The following BLNK variants were observed in gnomAD, a reference collection of about 807,000 sequenced individuals.
The protein encoded by BLNK is B-cell linker protein.
BLNK carries 29 observed loss-of-function variants against 73.5 expected under a neutral mutation model. The observed-to-expected ratio is 0.39, with a 90% confidence interval of 0.29 to 0.54. The LOEUF is 0.54. BLNK is among the 20% of genes least tolerant of loss of function. The probability of loss-of-function intolerance (pLI) is 0.61; values close to 1 mark genes in which losing one functional copy is unlikely to be tolerated. For missense variants in BLNK, 460 were observed against 562.8 expected, an observed-to-expected ratio of 0.82 and a Z score of 1.85; for synonymous variants, 176 against 200.8, an observed-to-expected ratio of 0.88 and a Z score of 1.04.
At chr10:96,244,796 T>C (rs1192211471) in intron 2 of BLNK, among the ~76,000 whole-genome samples, 1 of 152,122 alleles carries the variant, frequency 6.6e-6, no homozygotes, top group African/African-American at 2.4e-5. Flanking sequence ...TATAAAAAAC[T>C]TGAGCTCCAC....
chr10:96,242,588 C>A, intron 3 of BLNK, 147 bp downstream of exon 3: 1 of 817,590 alleles, frequency 1.2e-6, no homozygotes, highest in Non-Finnish European at 2.0e-6. Context: ...AGTCAAAATG[C>A]CTAATAGATT....
intron 1 of BLNK, among the ~76,000 whole-genome samples, chr10:96,268,817 G>A (rs1303399127): frequency 6.6e-6 from 1 of 152,100 alleles, no homozygotes; most frequent in Non-Finnish European, 1.5e-5. Context: ...CCTTTGGATG[G>A]ACACTCACTG....
chr10:96,243,291 T>C (rs1228829293), intron 2 of BLNK, among the ~76,000 whole-genome samples: 2 of 152,218 alleles, frequency 1.3e-5, no homozygotes, highest in Admixed American at 6.5e-5. Context: ...ATTTCTGTAA[T>C]CCCAGCACTT....
At position 96,190,308 on chromosome 10, in the gene BLNK, C is replaced by G; in HGVS notation, c.*1665G>C. ...AGAACAGCCATACAGGATGGAATCA[C>G]GCCAGTAGTATTGTTCCTGTGTGTC... On this transcript the variant is annotated 3_prime_UTR_variant, in exon 17 of 17. Coordinates refer to ENST00000224337, the MANE Select transcript of BLNK (RefSeq NM_013314.4). 3.2e-6 allele frequency: 2 copies of G among 621,508 alleles called. No homozygotes were observed. The highest frequency in any genetic ancestry group is 3.3e-5 in the South Asian group (2 of 60,144). 38.5% of individuals were successfully genotyped at this position (621,508 alleles called of 1,614,324 possible). A position where few individuals can be genotyped will look rare whatever the true frequency, so the allele number is the denominator to read the frequency against.
intron 9 of BLNK, 94 bp downstream of exon 9, chr10:96,209,744 T>C (rs1369692346): frequency 1.9e-5 from 28 of 1,466,322 alleles, no homozygotes; most frequent in Non-Finnish European, 2.5e-5. Flanking sequence ...CAGCCTGCCA[T>C]GGGGAGAACT....
intron 3 of BLNK, among the ~76,000 whole-genome samples, chr10:96,241,931 G>A (rs1448972774): frequency 6.6e-6 from 1 of 152,010 alleles, no homozygotes; most frequent in Non-Finnish European, 1.5e-5. Flanking sequence ...TGTTGCCCAG[G>A]CTGATCTCAA....
intron 3 of BLNK, among the ~76,000 whole-genome samples, chr10:96,233,670 C>T (rs1446088899): frequency 6.6e-6 from 1 of 152,218 alleles, no homozygotes; most frequent in Admixed American, 6.5e-5. Flanking sequence ...CAAAGTCTAC[C>T]ACAGTCTCTT....
intron 13 of BLNK, among the ~76,000 whole-genome samples, chr10:96,202,772 C>A (rs2083679567): frequency 6.6e-6 from 1 of 152,196 alleles, no homozygotes; most frequent in Admixed American, 6.5e-5. Flanking sequence ...GTGGTTTCTG[C>A]AGTTCTGGCA....
intron 1 of BLNK, among the ~76,000 whole-genome samples, chr10:96,250,204 G>C (rs782820930): frequency 6.6e-5 from 10 of 152,168 alleles, no homozygotes; most frequent in Non-Finnish European, 1.5e-4. Context: ...AAGGATGGTT[G>C]AGAGACACAC....
chr10:96,271,288 G>T (rs1239239388), intron 1 of BLNK, 64 bp downstream of exon 1: 2 of 1,540,482 alleles, frequency 1.3e-6, no homozygotes, highest in Non-Finnish European at 1.8e-6. Context: ...TTTCTGAGAT[G>T]CCATAAGAGC....
At chr10:96,216,481 G>A (rs1056335016) in intron 7 of BLNK, 172 bp downstream of exon 7, 4 of 670,688 alleles carry the variant, frequency 6.0e-6, no homozygotes, top group South Asian at 1.7e-5. Flanking sequence ...ACAGAGATGG[G>A]TTGTCACTGA....
chr10:96,200,148 A>T lies in BLNK; in HGVS notation c.1022T>A (p.Val341Asp). 1 of 1,614,112 alleles carries T rather than the reference A, an allele frequency of 6.2e-7. No individual in the cohort carries two copies. Among genetic ancestry groups the T allele is most frequent in the Non-Finnish European group, 8.5e-7 (1 of 1,180,008 alleles). The change falls in exon 15 of 17, where the codon GTT becomes GAT. Residue 341 changes from valine (V) to aspartate (D), a missense_variant. Transcript: ENST00000224337. This position sits in a 1 kb window ranked among gnomAD's most constrained non-coding sequence, Gnocchi z 4.3. ...TCCAGCATACCATGGCTTGCAGAGA[A>T]CGCCAGCTTCCTGTGAAATGGAGGG... ...NSTISEQEAG[V>D]LCKPWYAGAC... is the part of the protein sequence containing the mutation.
intron 16 of BLNK, among the ~76,000 whole-genome samples, chr10:96,193,538 G>C (rs1391829398): frequency 2.0e-5 from 3 of 152,164 alleles, no homozygotes; most frequent in African/African-American, 7.2e-5. Flanking sequence ...ATTTGAAGTA[G>C]GGAATGAAGT....
chr10:96,249,120 A>G (rs542622300), intron 1 of BLNK, among the ~76,000 whole-genome samples: 1 of 152,264 alleles, frequency 6.6e-6, no homozygotes, highest in African/African-American at 2.4e-5. Flanking sequence ...ATTTGACTGG[A>G]CCCTTTAGAT....
chr10:96,208,995 A>G (rs587752758), intron 9 of BLNK, among the ~76,000 whole-genome samples: 1 of 152,324 alleles, frequency 6.6e-6, no homozygotes, highest in South Asian at 2.1e-4. Flanking sequence ...GACATATTTA[A>G]ATTTGCTTTC....
chr10:96,211,113 C>T (rs2083937975), intron 8 of BLNK, among the ~76,000 whole-genome samples: 1 of 152,118 alleles, frequency 6.6e-6, no homozygotes, highest in Non-Finnish European at 1.5e-5. Flanking sequence ...ATCCACCTGC[C>T]TTGGTCTCCC....
chr10:96,199,615 T>A, intron 15 of BLNK: 1 of 435,990 alleles, frequency 2.3e-6, no homozygotes, highest in Admixed American at 2.6e-5. Context: ...CTTGAGTAAG[T>A]AAAGGAAAAA....
At chr10:96,225,365 C>T (rs1289629320) in intron 5 of BLNK, among the ~76,000 whole-genome samples, 2 of 152,152 alleles carry the variant, frequency 1.3e-5, no homozygotes, top group African/African-American at 2.4e-5. Flanking sequence ...GTTAGGCCCT[C>T]GCCTCTATGC....
At chr10:96,204,130 T>C in intron 12 of BLNK, 42 bp from the exon 13 acceptor site, 1 of 1,610,378 alleles carries the variant, frequency 6.2e-7, no homozygotes, top group Non-Finnish European at 8.5e-7. Context: ...CAAAGCACAA[T>C]ATGAGTAAGT....
Sources: gnomAD v4.1 joint callset for allele counts (sites outside exome capture counted in the v4.1 genomes callset) on GRCh38, gnomAD v4.1.1 for gene constraint, Gnocchi (gnomAD v3.1) non-coding constraint, MANE v1.5 for transcripts, NCBI Gene and HGNC (gene_info 2026-07-23, HGNC 2026-07-21) for gene names.